Variants in SORT1 observed in about 807,000 individuals in gnomAD.
SORT1 encodes the protein sortilin 1.
In SORT1, 39 loss-of-function variants were observed where a neutral mutation model predicts 101.7. The ratio of observed to expected loss-of-function variants is 0.38; its 90% CI spans 0.30 to 0.50. The LOEUF is 0.50. SORT1 is among the 20% of genes least tolerant of loss of function. The pLI is 0.90. For synonymous variants in SORT1, 396 were observed against 393.7 expected, an observed-to-expected ratio of 1.01 and a Z score of -0.07; for missense variants, 878 against 1,040.4, an observed-to-expected ratio of 0.84 and a Z score of 2.15.
chr1:109,375,859 G>T (rs1651799623), intron 1 of SORT1, among the ~76,000 whole-genome samples: 1 of 152,084 alleles, frequency 6.6e-6, no homozygotes, highest in Non-Finnish European at 1.5e-5. Flanking sequence ...TATAGCAAGT[G>T]AAACTATTTT....
At chr1:109,331,888 T>C (rs1570907789) in intron 11 of SORT1, among the ~76,000 whole-genome samples, 1 of 141,516 alleles carries the variant, frequency 7.1e-6, no homozygotes, top group East Asian at 2.1e-4. Context: ...AACAACAAAC[T>C]ATCCAAAAAA....
At chr1:109,317,793 G>A in intron 16 of SORT1, 60 bp downstream of exon 16, 2 of 1,123,844 alleles carry the variant, frequency 1.8e-6, no homozygotes, top group East Asian at 2.4e-5. Flanking sequence ...GAGAGAAGCA[G>A]CTTTCACTCT....
intron 1 of SORT1, among the ~76,000 whole-genome samples, chr1:109,381,187 AC>A (rs1316271283): frequency 9.9e-5 from 15 of 152,210 alleles, no homozygotes. Context: ...ATAATCACAT[AC>A]CTTTATAAAA....
At chr1:109,387,843 T>C (rs1185793546) in intron 1 of SORT1, among the ~76,000 whole-genome samples, 2 of 151,890 alleles carry the variant, frequency 1.3e-5, no homozygotes, top group African/African-American at 4.8e-5. Context: ...CCCAGCTACT[T>C]GGGGGGCTGA....
intron 6 of SORT1, 28 bp downstream of exon 6, chr1:109,350,901 T>A (rs759288183): frequency 6.1e-6 from 9 of 1,482,752 alleles, no homozygotes; most frequent in Middle Eastern, 1.7e-4. Context: ...TTTAGGGCTC[T>A]GCACAGATGG....
intron 15 of SORT1, among the ~76,000 whole-genome samples, chr1:109,322,414 C>G (rs1349291776): frequency 1.3e-5 from 2 of 152,166 alleles, no homozygotes; most frequent in African/African-American, 4.8e-5. Flanking sequence ...TGGTTCTGCC[C>G]AATAATTAAC....
At chr1:109,328,938 A>C in intron 11 of SORT1, among the ~76,000 whole-genome samples, 1 of 152,192 alleles carries the variant, frequency 6.6e-6, no homozygotes, top group East Asian at 1.9e-4. Flanking sequence ...GCTCCTGCAG[A>C]TCTACTTACC....
At chr1:109,345,113 T>C (rs1042643344) in intron 8 of SORT1, among the ~76,000 whole-genome samples, 15 of 152,232 alleles carry the variant, frequency 9.9e-5, no homozygotes, top group African/African-American at 3.6e-4. Context: ...ACCTAGCATA[T>C]AGTAGGCACT....
Position 109,325,003 on chromosome 1 carries a change from C to T in SORT1, c.1730G>A (p.Gly577Glu). Residue 577 changes from glycine to glutamate, a missense_variant, in exon 14 of 20, where the codon GGA becomes GAA. This residue lies in a region of SORT1 where 684 missense variants were observed against 894.5 expected (regional missense o/e 0.76). Transcript: ENST00000256637. ...IYFTGLASEP[G>E]ARSMNISIWG... ...AATGCTGATATTCATGGACCTAGCT[C>T]CAGGTTCTGAAGCTAGGCCAGTGAA... 1 of 1,611,956 alleles carries T rather than the reference C, an allele frequency of 6.2e-7. No individual in the cohort carries two copies. The highest frequency in any genetic ancestry group is 8.5e-7 in the Non-Finnish European group (1 of 1,178,038).
rs1436055810 is a variant in SORT1 at position 109,313,603 on chromosome 1, G to A, written c.*440C>T. 1.1e-5 allele frequency: 2 copies of A among 179,704 alleles called. No individual in the cohort carries two copies. Among genetic ancestry groups the A allele is most frequent in the Non-Finnish European group, 1.2e-5 (1 of 84,646 alleles). 11.1% of individuals were successfully genotyped at this position (179,704 alleles called of 1,614,324 possible). A position where few individuals can be genotyped will look rare whatever the true frequency, so the allele number is the denominator to read the frequency against. On this transcript the variant is annotated 3_prime_UTR_variant, in exon 20 of 20. Coordinates refer to ENST00000256637, the MANE Select transcript of SORT1 (RefSeq NM_002959.7). ...CTGTTTTCATCTCTACAGCTGTTTC[G>A]TCTCGCCAGCAGAGCCCAGGGATGG...
rs547546953 is a variant in SORT1 at position 109,334,714 on chromosome 1, TGTTA to T, written c.1371+1522_1371+1525del. Among the ~76,000 whole-genome samples the T allele has an allele frequency of 2.1e-3, 324 of 152,308 alleles. 1 individual carries two copies. The highest frequency in any genetic ancestry group is 3.4e-3 in the Middle Eastern group (1 of 294). On this transcript the variant is annotated intron_variant, in intron 11 of 19. Transcript: ENST00000256637. ...AAAGATAATTGTGAGGTGATGCATA[TGTTA>T]GTTAGCTTGATTGTGATAATCATTT...
chr1:109,321,516 C>T (rs1647624787), intron 15 of SORT1, among the ~76,000 whole-genome samples: 1 of 152,186 alleles, frequency 6.6e-6, no homozygotes, highest in Admixed American at 6.5e-5. Context: ...CGATGACCTC[C>T]AGCCCTACTG....
At position 109,346,498 on chromosome 1, in the gene SORT1, C is replaced by T. The variant is rs1649605596; in HGVS notation, c.833-617G>A. On this transcript the variant is annotated intron_variant, in intron 7 of 19. Transcript: ENST00000256637. ...CGGTGGCTCACGCCTGTAATCCCAGCACTTTGGGAGGCCGAGCCGGGTGGA... is the reference window on the plus strand; with the variant it reads ...CGGTGGCTCACGCCTGTAATCCCAGTACTTTGGGAGGCCGAGCCGGGTGGA... Among the ~76,000 whole-genome samples the T allele has an allele frequency of 2.6e-5, 4 of 151,936 alleles. No individual in the cohort carries two copies. The South Asian group carries it at 8.3e-4, about 31-fold the overall frequency.
chr1:109,326,510 C>CATCT (rs1648068797), intron 13 of SORT1, among the ~76,000 whole-genome samples: 1 of 132,682 alleles, frequency 7.5e-6, no homozygotes, highest in Non-Finnish European at 1.6e-5. Flanking sequence ...TATATACACA[C>CATCT]ATACACATAT....
chr1:109,395,004 T>C (rs528287457), intron 1 of SORT1, among the ~76,000 whole-genome samples: 4 of 152,082 alleles, frequency 2.6e-5, no homozygotes, highest in African/African-American at 7.2e-5. Context: ...TCAATACAGT[T>C]CAGGATTTTT....
At position 109,369,533 on chromosome 1, in the gene SORT1, A is replaced by C. The variant is rs1004046833; in HGVS notation, c.363T>G (p.Thr121=). 3.8e-6 allele frequency: 6 copies of C among 1,595,634 alleles called. 1 individual carries two copies. The South Asian group carries it at 5.5e-5, about 15-fold the overall frequency. The change falls in exon 2 of 20, where the codon ACT becomes ACG. Residue 121 remains threonine (T), a synonymous_variant. Coordinates refer to ENST00000256637, the MANE Select transcript of SORT1 (RefSeq NM_002959.7). ...ACAGACTCAAAATATGACTTACCCCAGTGCTATCTCCAACCCAGGACAAGG... is the reference window on the plus strand; with the variant it reads ...ACAGACTCAAAATATGACTTACCCCCGTGCTATCTCCAACCCAGGACAAGG... ...SVSLSWVGDS[T]GVILVLTTFH... is the part of the protein sequence containing the mutation.
At chr1:109,361,584 T>G (rs1370962422) in intron 3 of SORT1, among the ~76,000 whole-genome samples, 1 of 152,218 alleles carries the variant, frequency 6.6e-6, no homozygotes, top group Admixed American at 6.5e-5. Context: ...CTACCCATTT[T>G]CTTTTGTTCA....
chr1:109,340,202 A>G (rs1046472545), intron 10 of SORT1, among the ~76,000 whole-genome samples: 1 of 152,082 alleles, frequency 6.6e-6, no homozygotes, highest in Admixed American at 6.6e-5. Context: ...ATTCAAACAA[A>G]GGAATATATT....
chr1:109,351,965 G>GGGGTGTGTGTGTGTGTGTGTGTGTGTGT (rs932648162), intron 5 of SORT1, among the ~76,000 whole-genome samples: 6 of 147,512 alleles, frequency 4.1e-5, no homozygotes, highest in African/African-American at 1.5e-4. Flanking sequence ...GAGAGGTAGG[G>GGGGTGTGTGTGTGTGTGTGTGTGTGTGT]GTGTGTGTGT....
Sources: gnomAD v4.1 joint callset for allele counts (sites outside exome capture counted in the v4.1 genomes callset) on GRCh38, gnomAD v4.1.1 for gene constraint, gnomAD v4.1.1 regional missense constraint, MANE v1.5 for transcripts, NCBI Gene and HGNC (gene_info 2026-07-23, HGNC 2026-07-21) for gene names.